SPINK2: variants seen among roughly 807,000 people sequenced by gnomAD.
The protein encoded by SPINK2 is serine peptidase inhibitor Kazal type 2, also known as serine protease inhibitor Kazal-type 2.
In SPINK2, 8 loss-of-function variants were observed where a neutral mutation model predicts 13.5. The ratio of observed to expected loss-of-function variants is 0.59; its 90% CI spans 0.35 to 1.07. SPINK2 has a LOEUF of 1.07. SPINK2 is among the 50% of genes least tolerant of loss of function. The pLI, the probability that SPINK2 is intolerant of heterozygous loss-of-function variation, is 0.02. For missense variants in SPINK2, 148 were observed against 180.3 expected (o/e 0.82, Z 1.03); for synonymous variants, 76 against 74.7 (o/e 1.02, Z -0.09).
At chr4:56,813,620 CTT>C (rs112363076) in intron 2 of SPINK2, among the ~76,000 whole-genome samples, 7 of 142,188 alleles carry the variant, frequency 4.9e-5, no homozygotes, top group Admixed American at 7.1e-5. Context: ...CCTTATGAGA[CTT>C]TTTTTTTTTT....
intron 2 of SPINK2, 93 bp downstream of exon 2, chr4:56,820,443 A>C: frequency 1.1e-6 from 1 of 925,554 alleles, no homozygotes; most frequent in Middle Eastern, 3.0e-4. Flanking sequence ...TGGTTTCAAA[A>C]GTGGCAGGTC....
In SPINK2 at chr4:56,810,479, G is replaced by C. The variant is rs1242558306; in HGVS notation, c.360-295C>G. ...GCACTTTGGGAGGCCAAGGTGGGTG[G>C]ATTACTGGAGGTCAGGGGTTTGAGA... On this transcript the variant is annotated intron_variant, in intron 3 of 3. Transcript: ENST00000506738. 6 of 309,884 alleles carry C rather than the reference G, an allele frequency of 1.9e-5. No individual in the cohort carries two copies. The East Asian group carries it at 3.5e-4, about 18-fold the overall frequency. 19.2% of individuals were successfully genotyped at this position (309,884 alleles called of 1,614,324 possible).
At chr4:56,819,659 G>A (rs1456382507) in intron 2 of SPINK2, among the ~76,000 whole-genome samples, 2 of 147,288 alleles carry the variant, frequency 1.4e-5, no homozygotes, top group Admixed American at 1.4e-4. Flanking sequence ...TCTGTTGTCT[G>A]GGCTGGAGTG....
chr4:56,815,802 CTAT>C (rs1717403367), intron 2 of SPINK2, among the ~76,000 whole-genome samples: 1 of 103,702 alleles, frequency 9.6e-6, no homozygotes, highest in Non-Finnish European at 2.1e-5. Context: ...ACACACAAAA[CTAT>C]TATTACTAAT....
Position 56,820,717 on chromosome 4 carries a change from T to G in SPINK2, c.206-138A>C, listed in dbSNP as rs569138494. The G allele has an allele frequency of 1.2e-4, 78 of 644,762 alleles. No individual in the cohort carries two copies. In the East Asian group the frequency reaches 2.2e-3, roughly 18 times the overall value. 39.9% of individuals were successfully genotyped at this position (644,762 alleles called of 1,614,324 possible). ...ACCTCCCGGGCTTAAGCGATCTTCC[T>G]GCCTAGGCCTCCCAAAGTGCTGGAA... On this transcript the variant is annotated intron_variant, in intron 1 of 3. Transcript: ENST00000506738.
intron 2 of SPINK2, among the ~76,000 whole-genome samples, chr4:56,819,741 C>CA (rs1717773543): frequency 6.6e-6 from 1 of 151,812 alleles, no homozygotes. Context: ...TCAGCCTTCC[C>CA]AGTAGGTGGG....
chr4:56,811,196 C>T (rs901003004), intron 3 of SPINK2, among the ~76,000 whole-genome samples: 6 of 152,154 alleles, frequency 3.9e-5, no homozygotes, highest in African/African-American at 1.4e-4. Context: ...TTTAACTTGA[C>T]CTGAAAAATG....
intron 3 of SPINK2, 63 bp downstream of exon 3, chr4:56,811,622 A>G (rs1479549365): frequency 1.7e-6 from 2 of 1,187,354 alleles, no homozygotes; most frequent in Non-Finnish European, 2.4e-6. Context: ...GTCAAAAAAA[A>G]AAAGAAGAAA....
chr4:56,810,107 T>C lies in SPINK2; in HGVS notation c.*32A>G. 1 of 1,591,370 alleles carries C rather than the reference T, an allele frequency of 6.3e-7. No homozygotes were observed. The highest frequency in any genetic ancestry group is 8.6e-7 in the Non-Finnish European group (1 of 1,168,720). On this transcript the variant is annotated 3_prime_UTR_variant, in exon 4 of 4. Coordinates refer to ENST00000506738, the MANE Select transcript of SPINK2 (RefSeq NM_001271718.2). ...TTATCTAGTCTGCCAGTGAAGGTGG[T>C]CTCTCCATCTTCTTTTCTGTAAACT...
chr4:56,811,613 TCA>T, intron 3 of SPINK2, 70 bp downstream of exon 3: 1 of 995,138 alleles, frequency 1.0e-6, no homozygotes, highest in Non-Finnish European at 1.4e-6. Context: ...TGAGACTCTG[TCA>T]AAAAAAAAAA....
intron 3 of SPINK2, 23 bp downstream of exon 3, chr4:56,811,662 C>A: frequency 6.7e-7 from 1 of 1,481,568 alleles, no homozygotes; most frequent in South Asian, 1.2e-5. Context: ...CTTGGCTAGT[C>A]TACAGCTGTA....
rs2109437145 is a variant in SPINK2 at position 56,815,764 on chromosome 4, ACACACACACACACAC to A, written c.250-3985_250-3971del. Among the ~76,000 whole-genome samples, 3 of 119,280 alleles carry A rather than the reference ACACACACACACACAC, an allele frequency of 2.5e-5. No homozygotes were observed. In the South Asian group the frequency reaches 1.4e-3, roughly 56 times the overall value. 78.3% of individuals were successfully genotyped at this position (119,280 alleles called of 152,430 possible). A position where few individuals can be genotyped will look rare whatever the true frequency, so the allele number is the denominator to read the frequency against. On this transcript the variant is annotated intron_variant, in intron 2 of 3. Transcript: ENST00000506738. Reference sequence around the variant, plus strand: ...TTATATAGAAATTCCTAAGAAATTCACACACACACACACACACACACACACACACACACAAAACTA... The same window carrying A: ...TTATATAGAAATTCCTAAGAAATTCAACACACACACACACACACAAAACTA...
chr4:56,821,729 T>C (rs1717970266), upstream of SPINK2: 4 of 1,324,172 alleles, frequency 3.0e-6, no homozygotes, highest in Middle Eastern at 2.7e-4. Flanking sequence ...GGAGCGCTCG[T>C]GCGACGGGGC....
chr4:56,811,630 A>G, intron 3 of SPINK2, 55 bp downstream of exon 3: 1 of 1,179,560 alleles, frequency 8.5e-7, no homozygotes. Context: ...AAAAAAGAAG[A>G]AAAAAAAAGA....
intron 2 of SPINK2, among the ~76,000 whole-genome samples, chr4:56,819,914 T>C (rs73182407): frequency 0.17 from 25,239 of 152,000 alleles, 2,724 homozygotes; most frequent in African/African-American, 0.31. Context: ...TGCGCCCAGC[T>C]GCAAAATGGT....
intron 2 of SPINK2, among the ~76,000 whole-genome samples, chr4:56,814,716 C>G (rs1159290899): frequency 6.6e-6 from 1 of 151,784 alleles, no homozygotes; most frequent in African/African-American, 2.4e-5. Context: ...AATCCCAGCA[C>G]TTTGGGAGGC....
In SPINK2 at chr4:56,821,504, G is replaced by T; in HGVS notation, c.159C>A (p.Asp53Glu). Residue 53 changes from aspartate (D) to glutamate (E), a missense_variant, in exon 1 of 4, where the codon GAC (aspartate) becomes GAA (glutamate). Physicochemically the swap from Asp to Glu is conservative, Grantham distance 45. Transcript: ENST00000506738. The stretch of plus-strand genomic sequence containing the variant: ...CGCCAGTAACGGGCGCGCGGGTACC[G>T]TCGCCGAGGCCGCCCGGAGCAGGGC... ...GPCPAPGGLG[D>E]GTRAPVTGGS... The T allele has an allele frequency of 6.5e-7, 1 of 1,539,636 alleles. No individual in the cohort carries two copies.
chr4:56,820,642 T>C, intron 1 of SPINK2, 63 bp from the exon 2 acceptor site: 1 of 605,294 alleles, frequency 1.7e-6, no homozygotes, highest in South Asian at 3.0e-5. Context: ...GTTCATGAAG[T>C]TTTTTTTTTT....
chr4:56,821,799 G>T, upstream of SPINK2: 1 of 929,080 alleles, frequency 1.1e-6, no homozygotes, highest in Non-Finnish European at 1.5e-6. Flanking sequence ...GGTAGGTGGC[G>T]AGGGAAGAGG....
Sources: allele counts gnomAD v4.1 joint callset (sites outside exome capture counted in the v4.1 genomes callset), GRCh38; gene constraint gnomAD v4.1.1; transcripts MANE v1.5; gene names NCBI Gene and HGNC (gene_info 2026-07-23, HGNC 2026-07-21).